NIBAN2: variants seen among roughly 807,000 people sequenced by gnomAD.
NIBAN2 encodes the protein niban apoptosis regulator 2.
In NIBAN2, 36 loss-of-function variants were observed where a neutral mutation model predicts 81.8. That is an observed-to-expected ratio of 0.44 (90% confidence interval 0.34 to 0.58). The LOEUF is 0.58. NIBAN2 is among the 20% of genes least tolerant of loss of function. The pLI is 0.02. For synonymous variants in NIBAN2, 445 were observed against 441.6 expected (o/e 1.01, Z -0.10); for missense variants, 897 against 1,014.1 (o/e 0.88, Z 1.57).
At position 127,559,732 on chromosome 9, in the gene NIBAN2, G is replaced by A. The variant is rs1837737139; in HGVS notation, c.55+9088C>T. 2.0e-5 allele frequency among the ~76,000 whole-genome samples: 3 copies of A among 152,192 alleles called. No homozygotes were observed. Among genetic ancestry groups the A allele is most frequent in the Admixed American group, 2.0e-4 (3 of 15,284 alleles). ...GTTCATTCTTCCTCCCCTCCTGGAT[G>A]CCCAGTTACTCCCTGGGCCCCCACC... On this transcript the variant is annotated intron_variant, in intron 1 of 13. Coordinates refer to ENST00000373312, the MANE Select transcript of NIBAN2 (RefSeq NM_022833.4). This position sits in a 1 kb window ranked among gnomAD's most constrained non-coding sequence, Gnocchi z 4.0.
Position 127,559,797 on chromosome 9 carries a change from C to A in NIBAN2, c.55+9023G>T, listed in dbSNP as rs1227989664. ...CTCTACCCAGCACCCTGACCCACACCCGGCACTTCTGATCTGCAAGAGGAG... is the reference window on the plus strand; with the variant it reads ...CTCTACCCAGCACCCTGACCCACACACGGCACTTCTGATCTGCAAGAGGAG... On this transcript the variant is annotated intron_variant, in intron 1 of 13. Transcript: ENST00000373312. This position sits in a 1 kb window ranked among gnomAD's most constrained non-coding sequence, Gnocchi z 4.0. Among the ~76,000 whole-genome samples the A allele has an allele frequency of 6.6e-6, 1 of 152,148 alleles. No homozygotes were observed. The highest frequency in any genetic ancestry group is 1.5e-5 in the Non-Finnish European group (1 of 68,034).
Position 127,507,341 on chromosome 9 carries a change from G to A in NIBAN2, c.1745C>T (p.Ala582Val), listed in dbSNP as rs1836627768. Residue 582 changes from alanine to valine, a missense_variant, in exon 14 of 14, where the codon GCC (alanine) becomes GTC (valine). Ala to Val is a moderately conservative substitution (Grantham distance 64, BLOSUM62 0). Coordinates refer to ENST00000373312, the MANE Select transcript of NIBAN2 (RefSeq NM_022833.4). This position sits in a 1 kb window ranked among gnomAD's most constrained non-coding sequence, Gnocchi z 6.8. ...HNSDPNLHLLAEGAPIDWGEE... is the reference protein window; with the variant it reads ...HNSDPNLHLLVEGAPIDWGEE... The stretch of plus-strand genomic sequence containing the variant: ...GCCCCAGTCGATGGGGGCGCCCTCG[G>A]CCAGCAGGTGCAGGTTGGGGTCGCT... The A allele has an allele frequency of 6.5e-7, 1 of 1,549,332 alleles. No homozygotes were observed. Among genetic ancestry groups the A allele is most frequent in the Non-Finnish European group, 8.7e-7 (1 of 1,145,118 alleles).
At chr9:127,556,457 CATT>C (rs2132228690) in intron 1 of NIBAN2, among the ~76,000 whole-genome samples, 1 of 42,308 alleles carries the variant, frequency 2.4e-5, no homozygotes, top group East Asian at 5.1e-3. Context: ...CTTGCAATGG[CATT>C]CATTCATTCA....
At chr9:127,511,075 C>T (rs1032664226) in intron 8 of NIBAN2, among the ~76,000 whole-genome samples, 11 of 152,104 alleles carry the variant, frequency 7.2e-5, no homozygotes, top group Non-Finnish European at 5.9e-5. Context: ...GACAGAGTCT[C>T]GTGCTGTCGC....
intron 2 of NIBAN2, among the ~76,000 whole-genome samples, chr9:127,528,897 C>T (rs980280958): frequency 2.0e-5 from 3 of 152,212 alleles, no homozygotes; most frequent in East Asian, 3.9e-4. Flanking sequence ...ACGGGCACTC[C>T]GGGACAGGGC....
chr9:127,555,550 G>A (rs1036532424), intron 1 of NIBAN2, among the ~76,000 whole-genome samples: 3 of 152,168 alleles, frequency 2.0e-5, no homozygotes, highest in South Asian at 2.1e-4. Flanking sequence ...GGCAGCTCAC[G>A]TCTGTAATCC....
At position 127,523,849 on chromosome 9, in the gene NIBAN2, G is replaced by A. The variant is rs757561055; in HGVS notation, c.422-3C>T. On this transcript the variant is annotated splice_polypyrimidine_tract_variant and splice_region_variant and intron_variant, in intron 4 of 13. Transcript: ENST00000373312. The stretch of plus-strand genomic sequence containing the variant: ...ACTGCCCGACTTTGCCGTGGTCCCT[G>A]TGGAGACAGTGCCTGATGAGCAGCT... The A allele has an allele frequency of 5.6e-6, 9 of 1,606,378 alleles. No homozygotes were observed. Among genetic ancestry groups the A allele is most frequent in the Non-Finnish European group, 7.7e-6 (9 of 1,173,646 alleles).
intron 4 of NIBAN2, 48 bp downstream of exon 4, chr9:127,525,010 C>G (rs1195827070): frequency 6.8e-7 from 1 of 1,469,826 alleles, no homozygotes; most frequent in Non-Finnish European, 9.5e-7. Context: ...CTGGCCAGCT[C>G]CAGATGCCTG....
At chr9:127,578,962 G>T (rs566980046) in exon 1 of NIBAN2, 1 of 1,607,062 alleles carries the variant, frequency 6.2e-7, no homozygotes, top group Admixed American at 1.7e-5. Flanking sequence ...GCCCCAAAAG[G>T]AAGGGACCGG....
Position 127,531,681 on chromosome 9 carries a change from C to G in NIBAN2, c.153G>C (p.Thr51=), listed in dbSNP as rs756182942. 2.5e-6 allele frequency: 4 copies of G among 1,613,904 alleles called. No homozygotes were observed. The highest frequency in any genetic ancestry group is 1.1e-5 in the South Asian group (1 of 91,084). ...FNSMRHEIEG[T]GLPQAQLLWR... ...AGAGCAGCTGGGCCTGCGGCAGCCC[C>G]GTGCCCTCAATCTCATGGCGCATGC... Residue 51 remains threonine, a synonymous_variant, in exon 2 of 14, where the codon ACG becomes ACC. Coordinates refer to ENST00000373312, the MANE Select transcript of NIBAN2 (RefSeq NM_022833.4).
intron 1 of NIBAN2, among the ~76,000 whole-genome samples, chr9:127,534,582 C>G (rs947283894): frequency 1.3e-5 from 2 of 152,094 alleles, no homozygotes; most frequent in African/African-American, 2.4e-5. Context: ...GGTGTCTGCC[C>G]ACACCCCGGG....
intron 1 of NIBAN2, among the ~76,000 whole-genome samples, chr9:127,554,080 C>T (rs537419144): frequency 6.6e-6 from 1 of 152,332 alleles, no homozygotes; most frequent in African/African-American, 2.4e-5. Flanking sequence ...ACAGTCCTAT[C>T]TGCTCACAGC....
chr9:127,564,621 C>T (rs1352079523), intron 1 of NIBAN2, among the ~76,000 whole-genome samples: 2 of 152,070 alleles, frequency 1.3e-5, no homozygotes, highest in African/African-American at 4.8e-5. Context: ...GCCTGTAATC[C>T]CAGAACTTTG....
At chr9:127,523,108 G>A (rs923101204) in intron 5 of NIBAN2, among the ~76,000 whole-genome samples, 2 of 142,094 alleles carry the variant, frequency 1.4e-5, no homozygotes, top group Non-Finnish European at 3.0e-5. Flanking sequence ...TTACAGATGA[G>A]AGCAATGAGG....
rs1003002411 is a variant in NIBAN2, at chr9:127,563,168, C to T, written c.55+5652G>A. 6.6e-6 allele frequency among the ~76,000 whole-genome samples: 1 copy of T among 152,176 alleles called. No individual in the cohort carries two copies. Among genetic ancestry groups the T allele is most frequent in the Non-Finnish European group, 1.5e-5 (1 of 68,042 alleles). On this transcript the variant is annotated intron_variant, in intron 1 of 13. Coordinates refer to ENST00000373312, the MANE Select transcript of NIBAN2 (RefSeq NM_022833.4). The surrounding 1 kb of genome is among the most constrained non-coding windows in gnomAD (Gnocchi z 4.1). ...AGAGGCTCCGAGGAGGCTGGAGCAGCTCTGAGTAGGCGAGGCCGGCACTCA... is the reference window on the plus strand; with the variant it reads ...AGAGGCTCCGAGGAGGCTGGAGCAGTTCTGAGTAGGCGAGGCCGGCACTCA...
rs562547978 is a variant in NIBAN2 at position 127,524,563 on chromosome 9, CGCTGGAATCCAGGAATGCT to C, written c.421+476_421+494del. On this transcript the variant is annotated intron_variant, in intron 4 of 13. Coordinates refer to ENST00000373312, the MANE Select transcript of NIBAN2 (RefSeq NM_022833.4). ...ACACAGTGAAACAAAGCCAGAGTCACGCTGGAATCCAGGAATGCTGCTGGAATCCAGGAATGCCGCTCGA... is the reference window on the plus strand; with the variant it reads ...ACACAGTGAAACAAAGCCAGAGTCACGCTGGAATCCAGGAATGCCGCTCGA... 3.7e-3 allele frequency among the ~76,000 whole-genome samples: 559 copies of C among 152,210 alleles called. 6 individuals carry two copies. In the East Asian group the frequency reaches 0.043, roughly 12 times the overall value.
rs762557929 is a variant in NIBAN2, at chr9:127,536,155, C to G, written c.56-4377G>C. The stretch of plus-strand genomic sequence containing the variant: ...TGTCCTCAGCCAGCATGGAAGGAAC[C>G]GCCACGTGCTTTGTACAGAGGAAGT... On this transcript the variant is annotated intron_variant, in intron 1 of 13. Transcript: ENST00000373312. This position sits in a 1 kb window ranked among gnomAD's most constrained non-coding sequence, Gnocchi z 4.0. Among the ~76,000 whole-genome samples the G allele has an allele frequency of 1.3e-5, 2 of 152,152 alleles. No homozygotes were observed. Among genetic ancestry groups the G allele is most frequent in the Non-Finnish European group, 2.9e-5 (2 of 68,030 alleles).
intron 5 of NIBAN2, 89 bp from the exon 6 acceptor site, chr9:127,518,030 C>T: frequency 1.3e-6 from 1 of 749,620 alleles, no homozygotes; most frequent in Non-Finnish European, 2.2e-6. Flanking sequence ...AAACCCCCCC[C>T]ACACACATGG....
chr9:127,572,141 T>C (rs1837957057), upstream of NIBAN2, among the ~76,000 whole-genome samples: 1 of 152,152 alleles, frequency 6.6e-6, no homozygotes, highest in African/African-American at 2.4e-5. Flanking sequence ...GCTCAAGGCA[T>C]CCTCCAATCT....
Sources: gnomAD v4.1 joint callset for allele counts (sites outside exome capture counted in the v4.1 genomes callset) on GRCh38, gnomAD v4.1.1 for gene constraint, Gnocchi (gnomAD v3.1) non-coding constraint, MANE v1.5 for transcripts, NCBI Gene and HGNC (gene_info 2026-07-23, HGNC 2026-07-21) for gene names.